Variants in NINL observed in about 807,000 individuals in gnomAD.
The protein encoded by NINL is ninein like.
A neutral mutation model predicts 160.3 loss-of-function variants in NINL; 153 were observed. That is an observed-to-expected ratio of 0.95 (90% confidence interval 0.84 to 1.09). The LOEUF (loss-of-function observed/expected upper bound fraction) is 1.09. Among genes scored for constraint, NINL ranks in the 50% least tolerant of loss-of-function variants. NINL has a pLI of 0.00. For synonymous variants in NINL, 800 were observed against 734.8 expected, an observed-to-expected ratio of 1.09 and a Z score of -1.43; for missense variants, 1,829 against 1,764.0, an observed-to-expected ratio of 1.04 and a Z score of -0.66.
intron 1 of NINL, among the ~76,000 whole-genome samples, chr20:25,527,483 T>C (rs1275633844): frequency 6.6e-6 from 1 of 152,144 alleles, no homozygotes; most frequent in Non-Finnish European, 1.5e-5. Context: ...CACGTACAAA[T>C]GTAGTTTTTT....
At chr20:25,583,235 G>A (rs1033911986) in intron 1 of NINL, among the ~76,000 whole-genome samples, 1 of 151,866 alleles carries the variant, frequency 6.6e-6, no homozygotes, top group Admixed American at 6.6e-5. Context: ...TCTGACAAAG[G>A]TCTAATATCC....
intron 1 of NINL, among the ~76,000 whole-genome samples, chr20:25,565,250 C>G (rs913757103): frequency 2.5e-4 from 38 of 152,092 alleles, no homozygotes; most frequent in African/African-American, 9.2e-4. Flanking sequence ...ATAACAAAGG[C>G]CTTCCATCCA....
At chr20:25,584,727 C>T (rs1177133993) in intron 1 of NINL, among the ~76,000 whole-genome samples, 2 of 152,164 alleles carry the variant, frequency 1.3e-5, no homozygotes, top group African/African-American at 4.8e-5. Flanking sequence ...CGTGGCCACC[C>T]TTCCTCACGT....
At chr20:25,498,876 T>C (rs777443967) in intron 8 of NINL, 2 of 982,356 alleles carry the variant, frequency 2.0e-6, no homozygotes, top group Non-Finnish European at 2.4e-6. Flanking sequence ...ATGTGAAGAA[T>C]ACACTAATAA....
intron 16 of NINL, 192 bp downstream of exon 16, chr20:25,478,731 A>T: frequency 1.7e-6 from 1 of 572,902 alleles, no homozygotes; most frequent in Non-Finnish European, 3.0e-6. Context: ...CCCATGATCC[A>T]ATGTATATTT....
At chr20:25,473,494 T>TAAATA (rs71185303) in intron 17 of NINL, among the ~76,000 whole-genome samples, 37,923 of 142,016 alleles carry the variant, frequency 0.27, 5,473 homozygotes, top group African/African-American at 0.36. Context: ...AATAATAAAA[T>TAAATA]AAATAAAATA....
intron 1 of NINL, among the ~76,000 whole-genome samples, chr20:25,534,376 A>C (rs2064521583): frequency 6.6e-6 from 1 of 152,204 alleles, no homozygotes; most frequent in Non-Finnish European, 1.5e-5. Flanking sequence ...GACAATAACC[A>C]AAAGAACTGA....
At chr20:25,462,817 C>T (rs755365193) in intron 19 of NINL, 1 of 307,646 alleles carries the variant, frequency 3.3e-6, no homozygotes, top group East Asian at 9.1e-5. Context: ...ACCACTCCCA[C>T]CTAGTTTTGT....
intron 18 of NINL, 75 bp downstream of exon 18, chr20:25,469,916 T>C (rs761420471): frequency 2.1e-6 from 2 of 957,368 alleles, no homozygotes; most frequent in East Asian, 2.4e-5. Context: ...ACTGTCTATA[T>C]GGAGACTGCA....
chr20:25,490,355 T>C (rs935642593), intron 11 of NINL, among the ~76,000 whole-genome samples: 1 of 152,066 alleles, frequency 6.6e-6, no homozygotes, highest in Non-Finnish European at 1.5e-5. Context: ...GGTCAGGAGA[T>C]CAAGACCATC....
intron 17 of NINL, among the ~76,000 whole-genome samples, chr20:25,474,438 T>G (rs1370889625): frequency 2.0e-5 from 3 of 152,214 alleles, no homozygotes; most frequent in Non-Finnish European, 4.4e-5. Flanking sequence ...CCATGCAGTG[T>G]CAGCAACCGG....
At chr20:25,506,299 A>G (rs1032109267) in intron 5 of NINL, among the ~76,000 whole-genome samples, 9 of 152,232 alleles carry the variant, frequency 5.9e-5, no homozygotes, top group African/African-American at 1.9e-4. Flanking sequence ...ATTTGTATTT[A>G]CAATAAAAAG....
chr20:25,514,983 G>A (rs569049185), intron 3 of NINL, among the ~76,000 whole-genome samples: 2 of 152,242 alleles, frequency 1.3e-5, no homozygotes, highest in Non-Finnish European at 2.9e-5. Context: ...CCTCTATTAG[G>A]GCTGTGTAGA....
chr20:25,494,486 C>T (rs541093249), intron 10 of NINL, among the ~76,000 whole-genome samples: 1 of 151,844 alleles, frequency 6.6e-6, no homozygotes, highest in South Asian at 2.1e-4. Flanking sequence ...CCCTTGCACT[C>T]CACAGGCCCC....
chr20:25,560,397 CA>C (rs1444170023), intron 1 of NINL, among the ~76,000 whole-genome samples: 1 of 152,142 alleles, frequency 6.6e-6, no homozygotes, highest in East Asian at 1.9e-4. Flanking sequence ...TCTCCTCTAG[CA>C]AAAGGAACCT....
chr20:25,466,801 A>G (rs2062925290), intron 19 of NINL, among the ~76,000 whole-genome samples: 1 of 151,916 alleles, frequency 6.6e-6, no homozygotes, highest in Admixed American at 6.6e-5. Flanking sequence ...ATGTGTCTCA[A>G]AAAAAACCCC....
chr20:25,467,530 A>ATGCTGCTCTTACCCT, intron 18 of NINL, 72 bp from the exon 19 acceptor site: 1 of 1,183,386 alleles, frequency 8.5e-7, no homozygotes, highest in Non-Finnish European at 1.3e-6. Flanking sequence ...GTCAGCACCC[A>ATGCTGCTCTTACCCT]GGGTAAGAGC....
chr20:25,532,411 C>T (rs2064481017), intron 1 of NINL, among the ~76,000 whole-genome samples: 1 of 152,252 alleles, frequency 6.6e-6, no homozygotes, highest in Non-Finnish European at 1.5e-5. Flanking sequence ...CCCCTCTGGC[C>T]CTGTCTTTGC....
chr20:25,542,082 G>C (rs1426443130), intron 1 of NINL, among the ~76,000 whole-genome samples: 1 of 152,176 alleles, frequency 6.6e-6, no homozygotes, highest in East Asian at 1.9e-4. Context: ...CTGCACTCCT[G>C]GGGTGTCTGG....
Sources: allele counts gnomAD v4.1 joint callset (sites outside exome capture counted in the v4.1 genomes callset), GRCh38; gene constraint gnomAD v4.1.1; transcripts MANE v1.5; gene names NCBI Gene and HGNC (gene_info 2026-07-23, HGNC 2026-07-21).